The following KAZN variants were observed in gnomAD, a reference collection of about 807,000 sequenced individuals.
The protein encoded by KAZN is kazrin, periplakin interacting protein.
A neutral mutation model predicts 87.4 loss-of-function variants in KAZN; 40 were observed. The ratio of observed to expected loss-of-function variants is 0.46; its 90% CI spans 0.36 to 0.60. The LOEUF (loss-of-function observed/expected upper bound fraction) is 0.60, where lower values mean the gene tolerates loss of function less well. KAZN is among the 20% of genes least tolerant of loss of function. The pLI, the probability that KAZN is intolerant of heterozygous loss-of-function variation, is 0.00. For synonymous variants in KAZN, 466 were observed against 458.3 expected, an observed-to-expected ratio of 1.02 and a Z score of -0.22; for missense variants, 898 against 1,073.9, an observed-to-expected ratio of 0.84 and a Z score of 2.29.
chr1:13,927,545 C>T (rs578103521), intron 1 of KAZN, among the ~76,000 whole-genome samples: 1 of 152,252 alleles, frequency 6.6e-6, no homozygotes, highest in South Asian at 2.1e-4. Context: ...ATCCCAACTT[C>T]ACTTTTATCC....
At chr1:14,816,568 G>C (rs1572558704) in intron 1 of KAZN, among the ~76,000 whole-genome samples, 1 of 151,994 alleles carries the variant, frequency 6.6e-6, no homozygotes, top group Non-Finnish European at 1.5e-5. Flanking sequence ...ATCTTGCTAG[G>C]GTATACAAGC....
intron 2 of KAZN, among the ~76,000 whole-genome samples, chr1:14,551,380 A>G (rs116517502): frequency 0.015 from 2,281 of 152,300 alleles, 56 homozygotes; most frequent in South Asian, 0.14. Context: ...AATGGGAAGA[A>G]CCAAATTAAA....
chr1:14,729,939 T>C (rs1643599473), intron 1 of KAZN, among the ~76,000 whole-genome samples: 1 of 152,216 alleles, frequency 6.6e-6, no homozygotes, highest in African/African-American at 2.4e-5. Flanking sequence ...TAAAGCTTTA[T>C]TGGAACACAG....
chr1:14,436,717 CAAAAAAAAA>C (rs1197002414), intron 2 of KAZN, among the ~76,000 whole-genome samples: 1 of 51,314 alleles, frequency 1.9e-5, no homozygotes, highest in Non-Finnish European at 3.4e-5. Context: ...GACTCTGTCT[CAAAAAAAAA>C]AAAAAAAAAA....
chr1:14,212,032 C>T (rs986113404), intron 2 of KAZN, among the ~76,000 whole-genome samples: 3 of 152,112 alleles, frequency 2.0e-5, no homozygotes, highest in Non-Finnish European at 2.9e-5. Context: ...CTGGTTTTCT[C>T]TTGTGTGTGA....
intron 1 of KAZN, among the ~76,000 whole-genome samples, chr1:13,908,757 G>T (rs1204329652): frequency 6.6e-6 from 1 of 152,172 alleles, no homozygotes; most frequent in Non-Finnish European, 1.5e-5. Flanking sequence ...AACTTCTCAA[G>T]TGGTGGAACA....
chr1:13,998,822 AC>A (rs1337334344), intron 1 of KAZN, among the ~76,000 whole-genome samples: 1 of 152,196 alleles, frequency 6.6e-6, no homozygotes, highest in East Asian at 1.9e-4. Flanking sequence ...CAGAAAATTA[AC>A]AAGGATATTC....
At chr1:14,237,108 CT>C (rs1648497768) in intron 2 of KAZN, among the ~76,000 whole-genome samples, 1 of 152,144 alleles carries the variant, frequency 6.6e-6, no homozygotes, top group Admixed American at 6.5e-5. Flanking sequence ...TAGTTAGGTA[CT>C]AAGTGTGACC....
intron 2 of KAZN, among the ~76,000 whole-genome samples, chr1:14,402,149 T>C (rs909991026): frequency 6.6e-6 from 1 of 151,548 alleles, no homozygotes; most frequent in African/African-American, 2.4e-5. Flanking sequence ...AAAAGTCCAA[T>C]GACTTTTAGT....
chr1:14,970,699 T>C (rs1201705487), intron 2 of KAZN, among the ~76,000 whole-genome samples: 3 of 152,182 alleles, frequency 2.0e-5, no homozygotes, highest in Non-Finnish European at 4.4e-5. Context: ...ATCAGCTTCT[T>C]AGTAGATTCC....
intron 2 of KAZN, among the ~76,000 whole-genome samples, chr1:14,315,021 A>G (rs1557634253): frequency 6.6e-6 from 1 of 152,174 alleles, no homozygotes; most frequent in African/African-American, 2.4e-5. Flanking sequence ...ATGTTGCTGA[A>G]TACATGCCAT....
chr1:14,585,934 C>A (rs188014702), intron 2 of KAZN, among the ~76,000 whole-genome samples: 4 of 152,182 alleles, frequency 2.6e-5, no homozygotes, highest in Non-Finnish European at 4.4e-5. Flanking sequence ...GAACTGCACA[C>A]GCCATCTCGA....
chr1:14,433,978 G>A (rs1235604421), intron 2 of KAZN, among the ~76,000 whole-genome samples: 1 of 152,254 alleles, frequency 6.6e-6, no homozygotes, highest in African/African-American at 2.4e-5. Flanking sequence ...AACCAGGAAG[G>A]GGGATCTCAC....
chr1:14,235,267 A>G (rs1648300354), intron 2 of KAZN, among the ~76,000 whole-genome samples: 1 of 152,266 alleles, frequency 6.6e-6, no homozygotes. Flanking sequence ...TGATATAACC[A>G]CACAATGAAA....
intron 2 of KAZN, among the ~76,000 whole-genome samples, chr1:14,258,617 A>G (rs1650761858): frequency 6.6e-6 from 1 of 152,162 alleles, no homozygotes; most frequent in Admixed American, 6.5e-5. Context: ...GGGAGAACCA[A>G]ATGCATTGGC....
At chr1:14,388,317 A>G (rs750958542) in intron 2 of KAZN, among the ~76,000 whole-genome samples, 7 of 152,218 alleles carry the variant, frequency 4.6e-5, no homozygotes, top group African/African-American at 1.2e-4. Flanking sequence ...AGCTGTTTCT[A>G]TTCAGACATC....
intron 2 of KAZN, among the ~76,000 whole-genome samples, chr1:14,492,341 A>G (rs922463145): frequency 1.3e-5 from 2 of 151,914 alleles, no homozygotes; most frequent in Admixed American, 6.5e-5. Context: ...TTCTCTCCAC[A>G]CTGTCTTTTC....
chr1:14,958,414 C>T (rs1189459539), intron 1 of KAZN, among the ~76,000 whole-genome samples: 1 of 152,060 alleles, frequency 6.6e-6, no homozygotes, highest in African/African-American at 2.4e-5. Context: ...ACATGGAGCA[C>T]TTCCTATGTA....
At chr1:13,948,136 A>G (rs887680530) in intron 1 of KAZN, among the ~76,000 whole-genome samples, 6 of 152,176 alleles carry the variant, frequency 3.9e-5, no homozygotes, top group Non-Finnish European at 8.8e-5. Context: ...ATTTCTTGGT[A>G]TGGTTCTATT....
Sources: gnomAD v4.1 joint callset for allele counts (sites outside exome capture counted in the v4.1 genomes callset) on GRCh38, gnomAD v4.1.1 for gene constraint, MANE v1.5 for transcripts, NCBI Gene and HGNC (gene_info 2026-07-23, HGNC 2026-07-21) for gene names.